The following INPP5A variants were observed in gnomAD, a reference collection of about 807,000 sequenced individuals.
INPP5A encodes 43 kDa inositol polyphosphate 5-phophatase.
INPP5A carries 14 observed loss-of-function variants against 65.2 expected under a neutral mutation model. That is an observed-to-expected ratio of 0.21 (90% CI 0.14 to 0.34). The LOEUF (loss-of-function observed/expected upper bound fraction) is 0.34, where lower values mean the gene tolerates loss of function less well. Among genes scored for constraint, INPP5A ranks in the 10% least tolerant of loss-of-function variants. INPP5A has a pLI of 1.00. For synonymous variants in INPP5A, 207 were observed against 208.3 expected, an observed-to-expected ratio of 0.99 and a Z score of 0.05; for missense variants, 431 against 545.6, an observed-to-expected ratio of 0.79 and a Z score of 2.09.
intron 2 of INPP5A, among the ~76,000 whole-genome samples, chr10:132,639,784 T>G (rs1408388411): frequency 6.6e-6 from 1 of 152,258 alleles, no homozygotes; most frequent in Non-Finnish European, 1.5e-5. Context: ...CTTTCTGTTC[T>G]TTGATTTCAG....
chr10:132,631,771 C>G (rs1199418492), intron 2 of INPP5A, among the ~76,000 whole-genome samples: 1 of 152,246 alleles, frequency 6.6e-6, no homozygotes, highest in African/African-American at 2.4e-5. Flanking sequence ...CTTGCCATGC[C>G]TTTCCAAGAT....
At chr10:132,590,378 C>T (rs1213492142) in intron 1 of INPP5A, among the ~76,000 whole-genome samples, 6 of 152,212 alleles carry the variant, frequency 3.9e-5, no homozygotes, top group African/African-American at 4.8e-5. Flanking sequence ...CCACACTGTC[C>T]GCGCTAGGAG....
At chr10:132,596,594 A>G (rs1381588833) in intron 1 of INPP5A, among the ~76,000 whole-genome samples, 3 of 152,044 alleles carry the variant, frequency 2.0e-5, no homozygotes, top group Middle Eastern at 3.4e-3. Flanking sequence ...TGCCCGGCTA[A>G]TTTTTTTGTA....
At chr10:132,702,627 G>A (rs1845454717) in intron 6 of INPP5A, among the ~76,000 whole-genome samples, 2 of 152,346 alleles carry the variant, frequency 1.3e-5, no homozygotes, top group Admixed American at 6.5e-5. Flanking sequence ...GTGCGTGCAG[G>A]GAGGTGCTGT....
chr10:132,737,939 C>CT, intron 9 of INPP5A, among the ~76,000 whole-genome samples: 1 of 152,250 alleles, frequency 6.6e-6, no homozygotes, highest in East Asian at 1.9e-4. Flanking sequence ...AGGAAGTTCA[C>CT]TTTGCAAATA....
At chr10:132,781,003 G>A (rs1177095006) in intron 14 of INPP5A, 86 bp downstream of exon 14, 1 of 784,566 alleles carries the variant, frequency 1.3e-6, no homozygotes, top group African/African-American at 1.7e-5. Context: ...GGGTGGGCGG[G>A]TGCTGGGGCT....
intron 12 of INPP5A, among the ~76,000 whole-genome samples, chr10:132,772,414 G>A (rs112435821): frequency 0.08 from 2,035 of 25,588 alleles, 16 homozygotes; most frequent in African/African-American, 0.19. Context: ...CACCCCACGA[G>A]GAGTGGGACA....
intron 2 of INPP5A, among the ~76,000 whole-genome samples, chr10:132,615,799 G>A (rs1020085811): frequency 6.6e-6 from 1 of 152,170 alleles, no homozygotes; most frequent in African/African-American, 2.4e-5. Flanking sequence ...TGGAGTGTAG[G>A]CACTGGGTTG....
At chr10:132,764,607 T>C (rs1846799634) in intron 11 of INPP5A, among the ~76,000 whole-genome samples, 1 of 126,870 alleles carries the variant, frequency 7.9e-6, no homozygotes, top group South Asian at 2.6e-4. Flanking sequence ...GGTGGGAGGG[T>C]GTGCGTGGTT....
chr10:132,721,430 T>C lies in INPP5A; in HGVS notation c.648-5391T>C, dbSNP rs567625757. 1.7e-4 allele frequency among the ~76,000 whole-genome samples: 26 copies of C among 150,582 alleles called. No individual in the cohort carries two copies. In the South Asian group the frequency reaches 5.1e-3, roughly 30 times the overall value. Reference sequence around the variant, plus strand: ...TGTCTGGGTGCCTTAGACGGCTGGCTTCAGGGTTCTGTGGTACCTGGGTTC... The same window carrying C: ...TGTCTGGGTGCCTTAGACGGCTGGCCTCAGGGTTCTGTGGTACCTGGGTTC... On this transcript the variant is annotated intron_variant, in intron 8 of 15. Coordinates refer to ENST00000368594, the MANE Select transcript of INPP5A (RefSeq NM_005539.5).
intron 12 of INPP5A, among the ~76,000 whole-genome samples, chr10:132,775,860 G>A (rs984620126): frequency 6.6e-6 from 1 of 152,202 alleles, no homozygotes; most frequent in Non-Finnish European, 1.5e-5. Flanking sequence ...ACGCCAGGTG[G>A]CACGGGCTCT....
intron 8 of INPP5A, among the ~76,000 whole-genome samples, chr10:132,719,015 T>C (rs1845804702): frequency 6.8e-6 from 1 of 147,210 alleles, no homozygotes; most frequent in South Asian, 2.2e-4. Context: ...CTTAGACGAC[T>C]GTCTTGCGGG....
intron 12 of INPP5A, among the ~76,000 whole-genome samples, chr10:132,768,222 A>G (rs912418284): frequency 2.4e-5 from 3 of 126,168 alleles, no homozygotes; most frequent in African/African-American, 9.5e-5. Flanking sequence ...AGATCTGTGG[A>G]CCCCGACCCT....
rs1845373955 is a variant in INPP5A, at chr10:132,698,037, C to A, written c.474+118C>A. 1 of 698,158 alleles carries A rather than the reference C, an allele frequency of 1.4e-6. No individual in the cohort carries two copies. 43.2% of individuals were successfully genotyped at this position (698,158 alleles called of 1,614,324 possible). ...TACTAGTCACAGCTGCCTGTTGTTA[C>A]CTCCGATAATCTGTCTTCCTGGGAG... On this transcript the variant is annotated intron_variant, in intron 6 of 15. Coordinates refer to ENST00000368594, the MANE Select transcript of INPP5A (RefSeq NM_005539.5). The surrounding 1 kb of genome is among the most constrained non-coding windows in gnomAD (Gnocchi z 5.5).
At chr10:132,606,500 C>T (rs2071854426) in intron 1 of INPP5A, among the ~76,000 whole-genome samples, 1 of 152,200 alleles carries the variant, frequency 6.6e-6, no homozygotes, top group Non-Finnish European at 1.5e-5. Context: ...GGTTGTGTGT[C>T]CTTGAAGCCT....
At chr10:132,668,346 C>T (rs745721276) in intron 4 of INPP5A, among the ~76,000 whole-genome samples, 3 of 152,122 alleles carry the variant, frequency 2.0e-5, no homozygotes, top group East Asian at 1.9e-4. Flanking sequence ...GGCAAAGTGA[C>T]GCCCTGTAAC....
chr10:132,591,158 C>G (rs1039650643), intron 1 of INPP5A, among the ~76,000 whole-genome samples: 3 of 152,178 alleles, frequency 2.0e-5, no homozygotes, highest in Non-Finnish European at 4.4e-5. Flanking sequence ...AGAGTTCTTT[C>G]AATTGCAAGA....
chr10:132,772,476 ACAGACAC>A (rs1846971902), intron 12 of INPP5A, among the ~76,000 whole-genome samples: 4 of 130,028 alleles, frequency 3.1e-5, no homozygotes, highest in Non-Finnish European at 3.3e-5. Flanking sequence ...GAAGAGTGGG[ACAGACAC>A]TCAGCACTGA....
chr10:132,740,010 TA>T (rs1846245985), intron 9 of INPP5A, among the ~76,000 whole-genome samples: 1 of 152,236 alleles, frequency 6.6e-6, no homozygotes, highest in South Asian at 2.1e-4. Context: ...AAGCAGGTTT[TA>T]AAGACAGGAC....
Sources: gnomAD v4.1 joint callset for allele counts (sites outside exome capture counted in the v4.1 genomes callset) on GRCh38, gnomAD v4.1.1 for gene constraint, Gnocchi (gnomAD v3.1) non-coding constraint, MANE v1.5 for transcripts, NCBI Gene and HGNC (gene_info 2026-07-23, HGNC 2026-07-21) for gene names.